ZNF679: variants seen among roughly 807,000 people sequenced by gnomAD.
ZNF679 encodes the protein zinc finger protein 679.
In ZNF679, 10 loss-of-function variants were observed where a neutral mutation model predicts 13.4. The observed-to-expected ratio is 0.75, with a 90% CI of 0.46 to 1.27. The LOEUF is 1.27. Among genes scored for constraint, ZNF679 ranks in the 50% most tolerant of loss-of-function variants. The pLI, the probability that ZNF679 is intolerant of heterozygous loss-of-function variation, is 0.00. For missense variants in ZNF679, 525 were observed against 477.8 expected (o/e 1.10, Z -0.92); for synonymous variants, 179 against 162.5 (o/e 1.10, Z -0.77).
chr7:64,261,265 A>G (rs1342671675), intron 4 of ZNF679, among the ~76,000 whole-genome samples: 1 of 135,416 alleles, frequency 7.4e-6, no homozygotes, highest in Non-Finnish European at 1.7e-5. Context: ...ATGTTAAACC[A>G]TTAAAAATTT....
intron 1 of ZNF679, among the ~76,000 whole-genome samples, chr7:64,237,009 GAAAGAAAGAA>G (rs1787736349): frequency 7.2e-6 from 1 of 139,270 alleles, no homozygotes; most frequent in South Asian, 2.3e-4. Context: ...GAAAAAGAAA[GAAAGAAAGAA>G]AGAAACCTAT....
intron 1 of ZNF679, among the ~76,000 whole-genome samples, chr7:64,242,486 A>C (rs1787811469): frequency 6.6e-6 from 1 of 152,174 alleles, no homozygotes; most frequent in Admixed American, 6.5e-5. Flanking sequence ...GGTCCAGGTA[A>C]GGGAGTCATT....
At chr7:64,257,922 G>T (rs532310349) in intron 2 of ZNF679, among the ~76,000 whole-genome samples, 2 of 152,156 alleles carry the variant, frequency 1.3e-5, no homozygotes, top group Non-Finnish European at 2.9e-5. Flanking sequence ...CTGCAGAATC[G>T]CTTTGCACAA....
At position 64,265,952 on chromosome 7, in the gene ZNF679, C is replaced by G. The variant is rs1247891083; in HGVS notation, c.319C>G (p.Leu107Val). The G allele has an allele frequency of 6.2e-7, 1 of 1,613,764 alleles. No homozygotes were observed. The highest frequency in any genetic ancestry group is 1.7e-5 in the Admixed American group (1 of 59,938). Residue 107 changes from leucine to valine, a missense_variant, in exon 5 of 5, where the codon CTC (leucine) becomes GTC (valine). By Grantham distance (32) the Leu-to-Val change is conservative. Coordinates refer to ENST00000421025, the MANE Select transcript of ZNF679 (RefSeq NM_153363.3). ...GCCAGAGCTAGGCATAAAAGATTCA[C>G]TCCAAAAAGTAATACCAAGAAGATA... ...LPPELGIKDSLQKVIPRRYGK... is the reference protein window; with the variant it reads ...LPPELGIKDSVQKVIPRRYGK...
At position 64,260,879 on chromosome 7, in the gene ZNF679, A is replaced by C; in HGVS notation, c.212A>C (p.Asn71Thr). 6.2e-7 allele frequency: 1 copy of C among 1,612,124 alleles called. No individual in the cohort carries two copies. Among genetic ancestry groups the C allele is most frequent in the Non-Finnish European group, 8.5e-7 (1 of 1,179,546 alleles). ...GACTTGATCACCTGTCTGGAGCAAA[A>C]TAAAGAGCCTTGGAATATAAAGAGA... The part of the protein sequence containing the change: ...KPDLITCLEQ[N>T]KEPWNIKRNE... The change falls in exon 4 of 5, where the codon AAT becomes ACT. Residue 71 changes from asparagine (N) to threonine (T), a missense_variant. Asn to Thr is a moderately conservative substitution (Grantham distance 65). Transcript: ENST00000421025.
chr7:64,254,077 GA>G (rs1787973365), intron 2 of ZNF679, among the ~76,000 whole-genome samples: 1 of 151,824 alleles, frequency 6.6e-6, no homozygotes, highest in Non-Finnish European at 1.5e-5. Context: ...AGCTGTTGCT[GA>G]AGACCACAAA....
Position 64,258,379 on chromosome 7 carries a change from CTT to C in ZNF679, c.40-1838_40-1837del, listed in dbSNP as rs199995122. ...AAAGAGGAGGAAAAGAAAAAAATCA[CTT>C]TTTCTTGGTGAGCATGTCTCAGATC... On this transcript the variant is annotated intron_variant, in intron 2 of 4. Coordinates refer to ENST00000421025, the MANE Select transcript of ZNF679 (RefSeq NM_153363.3). 3.8e-3 allele frequency among the ~76,000 whole-genome samples: 574 copies of C among 152,154 alleles called. 5 individuals are homozygous for C. Among genetic ancestry groups the C allele is most frequent in the African/African-American group, 0.012 (511 of 41,522 alleles).
intron 1 of ZNF679, among the ~76,000 whole-genome samples, chr7:64,232,488 T>C (rs945427908): frequency 6.6e-6 from 1 of 152,206 alleles, no homozygotes; most frequent in Non-Finnish European, 1.5e-5. Flanking sequence ...CCTAGATATA[T>C]GTCAATCCCA....
At chr7:64,232,530 G>A (rs1216169485) in intron 1 of ZNF679, among the ~76,000 whole-genome samples, 1 of 152,176 alleles carries the variant, frequency 6.6e-6, no homozygotes, top group African/African-American at 2.4e-5. Flanking sequence ...GGTGAGTCAC[G>A]TTACCTTGGT....
intron 2 of ZNF679, among the ~76,000 whole-genome samples, chr7:64,256,425 T>C (rs1788005320): frequency 6.6e-6 from 1 of 152,244 alleles, no homozygotes; most frequent in Non-Finnish European, 1.5e-5. Flanking sequence ...TCATTGGTTA[T>C]ATTCCCAATT....
intron 1 of ZNF679, among the ~76,000 whole-genome samples, chr7:64,247,083 C>CT (rs1418415382): frequency 2.6e-5 from 4 of 152,186 alleles, no homozygotes; most frequent in African/African-American, 9.7e-5. Context: ...GTGGGAATGT[C>CT]TTTCGCATGC....
intron 1 of ZNF679, among the ~76,000 whole-genome samples, chr7:64,236,975 A>AAGAG (rs201487010): frequency 0.015 from 242 of 16,278 alleles, 5 homozygotes; most frequent in African/African-American, 0.024. Flanking sequence ...GAAAGAAAGA[A>AAGAG]AAAGAAAGAA....
chr7:64,266,337 C>G lies in ZNF679; in HGVS notation c.704C>G (p.Thr235Ser). 6.2e-7 allele frequency: 1 copy of G among 1,613,424 alleles called. No homozygotes were observed. The highest frequency in any genetic ancestry group is 1.1e-5 in the South Asian group (1 of 91,006). The change falls in exon 5 of 5, where the codon ACT becomes AGT. Residue 235 changes from threonine (T) to serine (S), a missense_variant. Physicochemically the swap from Thr to Ser is moderately conservative, Grantham distance 58 (BLOSUM62 1). Transcript: ENST00000421025. Reference protein sequence around the residue: ...STLSKHKRIHTGEKPYRCEEC... With the variant: ...STLSKHKRIHSGEKPYRCEEC... ...CTTTCTAAACATAAAAGAATTCATA[C>G]TGGAGAGAAACCCTACAGATGTGAG...
chr7:64,245,171 C>A (rs1018442064), intron 1 of ZNF679, among the ~76,000 whole-genome samples: 6 of 152,266 alleles, frequency 3.9e-5, no homozygotes, highest in African/African-American at 1.4e-4. Flanking sequence ...GGACTACAGG[C>A]ACCCACCACC....
At chr7:64,245,056 T>C (rs2116522725) in intron 1 of ZNF679, among the ~76,000 whole-genome samples, 1 of 151,906 alleles carries the variant, frequency 6.6e-6, no homozygotes, top group East Asian at 1.9e-4. Context: ...GATGGAGTCT[T>C]GCTCTGTCTC....
In ZNF679 at chr7:64,245,421, A is replaced by AAG. The variant is rs372896063; in HGVS notation, c.-90-3586_-90-3585dup. 9.0e-3 allele frequency among the ~76,000 whole-genome samples: 734 copies of AAG among 81,236 alleles called. 3 individuals are homozygous for AAG. The highest frequency in any genetic ancestry group is 0.024 in the Middle Eastern group (4 of 168). The allele number at this position is 81,236 out of a possible 152,430, so 53.3% of individuals were successfully genotyped here. A position where few individuals can be genotyped will look rare whatever the true frequency, so the allele number is the denominator to read the frequency against. Reference sequence around the variant, plus strand: ...AAAAGATAGGAAAGGGAGAGAGAGAAAGAGAGAGAGAGAGAGAGAGAGGGA... The same window carrying AAG: ...AAAAGATAGGAAAGGGAGAGAGAGAAAGAGAGAGAGAGAGAGAGAGAGAGGGA... On this transcript the variant is annotated intron_variant, in intron 1 of 4. Coordinates refer to ENST00000421025, the MANE Select transcript of ZNF679 (RefSeq NM_153363.3).
At chr7:64,241,190 C>T (rs1340262564) in intron 1 of ZNF679, among the ~76,000 whole-genome samples, 2 of 152,198 alleles carry the variant, frequency 1.3e-5, no homozygotes, top group African/African-American at 4.8e-5. Flanking sequence ...TCATAATAGT[C>T]TGTGACCATC....
intron 2 of ZNF679, among the ~76,000 whole-genome samples, chr7:64,249,820 C>G (rs1236548233): frequency 1.3e-5 from 2 of 152,062 alleles, no homozygotes; most frequent in African/African-American, 4.8e-5. Context: ...GAATTTTTTT[C>G]TTCAATATAG....
At chr7:64,233,889 G>A (rs17139367) in intron 1 of ZNF679, among the ~76,000 whole-genome samples, 6,036 of 152,228 alleles carry the variant, frequency 0.04, 185 homozygotes, top group East Asian at 0.16. Context: ...GCTGGCTTGT[G>A]AGAAACAAGA....
Sources: gnomAD v4.1 joint callset for allele counts (sites outside exome capture counted in the v4.1 genomes callset) on GRCh38, gnomAD v4.1.1 for gene constraint, MANE v1.5 for transcripts, NCBI Gene and HGNC (gene_info 2026-07-23, HGNC 2026-07-21) for gene names.